ABTB3: variants seen among roughly 807,000 people sequenced by gnomAD.
ABTB3 encodes the protein ankyrin repeat- and BTB/POZ domain-containing protein 3.
chr12:107,490,506 G>C, the ABTB3 span, among the ~76,000 whole-genome samples: 1 of 152,086 alleles, frequency 6.6e-6, no homozygotes, highest in African/African-American at 2.4e-5. Flanking sequence ...ATAGTGGTGG[G>C]GAGAGAGGGA....
chr12:107,654,896 G>T, the ABTB3 span, among the ~76,000 whole-genome samples: 1 of 148,266 alleles, frequency 6.7e-6, no homozygotes, highest in Non-Finnish European at 1.5e-5. Context: ...CCAAAATCTG[G>T]TTTCTCAGGA....
the ABTB3 span, among the ~76,000 whole-genome samples, chr12:107,366,776 T>G: frequency 6.6e-6 from 1 of 152,218 alleles, no homozygotes; most frequent in Non-Finnish European, 1.5e-5. Context: ...TATATATTTT[T>G]TAATGCATGA....
the ABTB3 span, chr12:107,610,329 G>A: frequency 7.4e-5 from 119 of 1,613,936 alleles, no homozygotes; most frequent in Non-Finnish European, 9.2e-5. Flanking sequence ...GCTGGGGCCC[G>A]ATGGGATCAA....
At chr12:107,646,151 T>C in the ABTB3 span, among the ~76,000 whole-genome samples, 4 of 152,332 alleles carry the variant, frequency 2.6e-5, no homozygotes, top group East Asian at 5.8e-4. Context: ...GTGGGTGCCA[T>C]TTGAATCCCT....
the ABTB3 span, among the ~76,000 whole-genome samples, chr12:107,458,133 C>A: frequency 0.05 from 7,583 of 152,210 alleles, 575 homozygotes; most frequent in African/African-American, 0.17. Flanking sequence ...GAGACTATGT[C>A]AAGCCCTGTC....
chr12:107,466,913 G>A, the ABTB3 span, among the ~76,000 whole-genome samples: 5 of 152,076 alleles, frequency 3.3e-5, no homozygotes, highest in African/African-American at 7.2e-5. Flanking sequence ...GAAGTTGGGG[G>A]CATTCAAGGC....
chr12:107,500,183 G>T, the ABTB3 span, among the ~76,000 whole-genome samples: 8 of 152,276 alleles, frequency 5.3e-5, no homozygotes, highest in Middle Eastern at 3.4e-3. Flanking sequence ...CTATTTATTT[G>T]TTGTGGATCC....
chr12:107,429,703 C>T, the ABTB3 span, among the ~76,000 whole-genome samples: 6 of 152,144 alleles, frequency 3.9e-5, no homozygotes, highest in African/African-American at 7.2e-5. Context: ...TTTATGAATG[C>T]GTAGCTCTGG....
the ABTB3 span, among the ~76,000 whole-genome samples, chr12:107,654,124 CTTT>C: frequency 2.0e-5 from 3 of 152,140 alleles, no homozygotes; most frequent in African/African-American, 4.8e-5. Context: ...AGAATTTCTT[CTTT>C]AAGACTGAAT....
the ABTB3 span, among the ~76,000 whole-genome samples, chr12:107,387,972 C>CTTTTTT: frequency 1.6e-4 from 19 of 120,172 alleles, no homozygotes; most frequent in South Asian, 2.7e-4. Context: ...TCTTCTTCTT[C>CTTTTTT]TTTTTTTTTT....
At chr12:107,488,239 C>T in the ABTB3 span, among the ~76,000 whole-genome samples, 1 of 152,094 alleles carries the variant, frequency 6.6e-6, no homozygotes, top group African/African-American at 2.4e-5. Flanking sequence ...TAAATCTCTT[C>T]GTGCCTGGTG....
chr12:107,577,180 C>G, the ABTB3 span, among the ~76,000 whole-genome samples: 1 of 152,180 alleles, frequency 6.6e-6, no homozygotes, highest in Non-Finnish European at 1.5e-5. Context: ...CAGAGACTGA[C>G]CTTATGGCCC....
At chr12:107,376,162 C>G in the ABTB3 span, among the ~76,000 whole-genome samples, 1 of 152,194 alleles carries the variant, frequency 6.6e-6, no homozygotes, top group South Asian at 2.1e-4. Flanking sequence ...CTCCCTCCCT[C>G]ACCACCCTGC....
chr12:107,471,230 C>T, the ABTB3 span, among the ~76,000 whole-genome samples: 1 of 152,064 alleles, frequency 6.6e-6, no homozygotes, highest in Non-Finnish European at 1.5e-5. Flanking sequence ...ATGTTATTTC[C>T]CCATTTTACA....
chr12:107,587,127 G>A, the ABTB3 span, among the ~76,000 whole-genome samples: 1 of 152,238 alleles, frequency 6.6e-6, no homozygotes, highest in Non-Finnish European at 1.5e-5. Context: ...TGTGGGCTGG[G>A]CCCTGCACCA....
At chr12:107,372,022 G>C in the ABTB3 span, among the ~76,000 whole-genome samples, 1 of 152,094 alleles carries the variant, frequency 6.6e-6, no homozygotes, top group Non-Finnish European at 1.5e-5. Context: ...TTGGTACTTT[G>C]TACCTTATAT....
the ABTB3 span, among the ~76,000 whole-genome samples, chr12:107,429,436 A>G: frequency 6.6e-6 from 1 of 152,114 alleles, no homozygotes; most frequent in Non-Finnish European, 1.5e-5. Context: ...AGCTCTCTTC[A>G]CTGGGATGTA....
chr12:107,362,448 C>A, the ABTB3 span, among the ~76,000 whole-genome samples: 1 of 152,170 alleles, frequency 6.6e-6, no homozygotes, highest in South Asian at 2.1e-4. Flanking sequence ...GATGTCCCTC[C>A]ACGTGGCAGG....
the ABTB3 span, among the ~76,000 whole-genome samples, chr12:107,570,307 C>G: frequency 1.3e-5 from 2 of 152,150 alleles, no homozygotes; most frequent in East Asian, 3.9e-4. Context: ...CTCTGCCTCC[C>G]GGGTTCAAGC....
Sources: allele counts gnomAD v4.1 joint callset (sites outside exome capture counted in the v4.1 genomes callset), GRCh38; gene constraint gnomAD v4.1.1; transcripts MANE v1.5; gene names NCBI Gene and HGNC (gene_info 2026-07-23, HGNC 2026-07-21).